The following CGREF1 variants were observed in gnomAD, a reference collection of about 807,000 sequenced individuals.
CGREF1 encodes cell growth regulator with EF-hand domain 1.
CGREF1 carries 16 observed loss-of-function variants against 17.4 expected under a neutral mutation model. The observed-to-expected ratio is 0.92, with a 90% CI of 0.62 to 1.40. The LOEUF is 1.40. Among genes scored for constraint, CGREF1 ranks in the 40% most tolerant of loss-of-function variants. CGREF1 has a pLI of 0.00. For synonymous variants in CGREF1, 142 were observed against 154.6 expected (o/e 0.92, Z 0.61); for missense variants, 296 against 376.4 (o/e 0.79, Z 1.77).
intron 1 of CGREF1, among the ~76,000 whole-genome samples, chr2:27,113,940 G>T (rs1238186944): frequency 2.1e-5 from 3 of 146,278 alleles, no homozygotes; most frequent in Non-Finnish European, 4.5e-5. Context: ...CCTCAGAGCT[G>T]TCAAAACTCA....
At chr2:27,110,501 G>T (rs1476589781) in intron 1 of CGREF1, among the ~76,000 whole-genome samples, 1 of 151,922 alleles carries the variant, frequency 6.6e-6, no homozygotes, top group Non-Finnish European at 1.5e-5. Flanking sequence ...AATAATAGCA[G>T]AAATTAAAAA....
At chr2:27,116,088 C>A (rs998384754) in intron 1 of CGREF1, among the ~76,000 whole-genome samples, 1 of 151,854 alleles carries the variant, frequency 6.6e-6, no homozygotes. Flanking sequence ...AATTAGACAG[C>A]ATGGTGGCTC....
chr2:27,104,315 G>C lies in CGREF1; in HGVS notation c.52C>G (p.Gln18Glu). 6.3e-7 allele frequency: 1 copy of C among 1,580,532 alleles called. No homozygotes were observed. Among genetic ancestry groups the C allele is most frequent in the Non-Finnish European group, 8.6e-7 (1 of 1,162,156 alleles). The change falls in exon 2 of 6, where the codon CAG becomes GAG. Residue 18 changes from glutamine (Q) to glutamate (E), a missense_variant. Gln to Glu is a conservative substitution (Grantham distance 29, BLOSUM62 2). This residue lies in a region of CGREF1 where 247 missense variants were observed against 267.2 expected (regional missense o/e 0.92). Coordinates refer to ENST00000402394, the MANE Select transcript of CGREF1 (RefSeq NM_006569.6). ...VLILLLLPTG[Q>E]AAPKDGVTRP... is the part of the protein sequence containing the mutation. ...GTGACTCCATCCTTTGGGGCAGCCT[G>C]ACCCGTGGGGAGCAGCAGCAGGATT... is the stretch of plus-strand genomic sequence containing the variant.
intron 1 of CGREF1, among the ~76,000 whole-genome samples, chr2:27,111,601 C>A (rs1434471067): frequency 6.6e-6 from 1 of 152,234 alleles, no homozygotes; most frequent in Admixed American, 6.5e-5. Context: ...GTGCAGGAGC[C>A]CACGGCAGTG....
downstream of CGREF1, chr2:27,100,493 T>C: frequency 3.1e-6 from 4 of 1,291,044 alleles, no homozygotes; most frequent in Non-Finnish European, 4.0e-6. Flanking sequence ...AGGTCCGATC[T>C]GGAACACATA....
intron 1 of CGREF1, among the ~76,000 whole-genome samples, chr2:27,106,016 C>T (rs774867164): frequency 6.6e-6 from 1 of 152,152 alleles, no homozygotes; most frequent in Non-Finnish European, 1.5e-5. Flanking sequence ...TTAGTCGTTG[C>T]ACCTGGAAGA....
chr2:27,107,188 G>A (rs1671152989), intron 1 of CGREF1, among the ~76,000 whole-genome samples: 1 of 152,226 alleles, frequency 6.6e-6, no homozygotes, highest in African/African-American at 2.4e-5. Context: ...GCAGGGAAAA[G>A]TAGACTTGGA....
At chr2:27,099,760 C>T (rs774645800), downstream of CGREF1, 16 of 1,613,356 alleles carry the variant, frequency 9.9e-6, no homozygotes, top group South Asian at 1.3e-4. Context: ...AGAGCAGGTG[C>T]CGGCTCCTCA....
intron 1 of CGREF1, among the ~76,000 whole-genome samples, chr2:27,110,169 G>A (rs1212366398): frequency 6.6e-6 from 1 of 151,894 alleles, no homozygotes; most frequent in African/African-American, 2.4e-5. Flanking sequence ...ACCAGCCTGG[G>A]CAACATAGTC....
intron 1 of CGREF1, among the ~76,000 whole-genome samples, chr2:27,108,711 A>G (rs1671232497): frequency 6.6e-6 from 1 of 152,146 alleles, no homozygotes; most frequent in Non-Finnish European, 1.5e-5. Context: ...TGATGCCCAA[A>G]TACAGTAATA....
At chr2:27,113,339 C>T (rs1358251334) in intron 1 of CGREF1, among the ~76,000 whole-genome samples, 1 of 152,036 alleles carries the variant, frequency 6.6e-6, no homozygotes, top group Non-Finnish European at 1.5e-5. Flanking sequence ...GACCAGAGGG[C>T]AAGCATCCGT....
chr2:27,115,082 C>T lies in CGREF1; in HGVS notation c.-12+3764G>A, dbSNP rs548140363. Among the ~76,000 whole-genome samples the T allele has an allele frequency of 2.0e-5, 3 of 152,280 alleles. No individual in the cohort carries two copies. The South Asian group carries it at 6.2e-4, about 32-fold the overall frequency. ...ATTTTGAGGTGGTTTGTTACACTGC[C>T]ATAGTAATTGGAAAACCAACCATGT... On this transcript the variant is annotated intron_variant, in intron 1 of 5. Coordinates refer to ENST00000402394, the MANE Select transcript of CGREF1 (RefSeq NM_006569.6).
intron 1 of CGREF1, among the ~76,000 whole-genome samples, chr2:27,118,532 C>G (rs773027469): frequency 1.3e-5 from 2 of 152,184 alleles, no homozygotes; most frequent in Admixed American, 6.5e-5. Flanking sequence ...GGGGAAAGCT[C>G]CCGCCAGCTG....
At chr2:27,116,871 T>TTCCCTCTCTCTCTCTCTCTCTCTC (rs1416671829) in intron 1 of CGREF1, among the ~76,000 whole-genome samples, 1 of 33,700 alleles carries the variant, frequency 3.0e-5, no homozygotes, top group Non-Finnish European at 5.9e-5. Context: ...GCCAGGCCTA[T>TTCCCTCTCTCTCTCTCTCTCTCTC]TCTCTCTCTC....
intron 1 of CGREF1, among the ~76,000 whole-genome samples, chr2:27,117,443 C>A (rs2148402377): frequency 6.6e-6 from 1 of 152,370 alleles, no homozygotes; most frequent in South Asian, 2.1e-4. Context: ...CTATAATGTG[C>A]ATGAACATAA....
Position 27,100,925 on chromosome 2 carries a change from A to C in CGREF1, c.*349T>G, listed in dbSNP as rs942895196. ...GAGCTTTCCTCACTGGGTCCTCTGC[A>C]GCCGGCCATGGCTAGCACCATGCGC... is the stretch of plus-strand genomic sequence containing the variant. On this transcript the variant is annotated 3_prime_UTR_variant, in exon 6 of 6. Transcript: ENST00000402394. 38 of 1,101,342 alleles carry C rather than the reference A, an allele frequency of 3.5e-5. No homozygotes were observed. Among genetic ancestry groups the C allele is most frequent in the Non-Finnish European group, 4.2e-5 (38 of 903,074 alleles). The allele number at this position is 1,101,342 out of a possible 1,614,324, so 68.2% of individuals were successfully genotyped here. A position where few individuals can be genotyped will look rare whatever the true frequency, so the allele number is the denominator to read the frequency against.
At chr2:27,113,585 TG>T (rs1279681819) in intron 1 of CGREF1, among the ~76,000 whole-genome samples, 1 of 151,968 alleles carries the variant, frequency 6.6e-6, no homozygotes, top group East Asian at 1.9e-4. Flanking sequence ...GGCCCAAAGT[TG>T]GGGGGTATGG....
intron 1 of CGREF1, among the ~76,000 whole-genome samples, chr2:27,106,746 A>G (rs1039646156): frequency 7.2e-5 from 11 of 152,152 alleles, no homozygotes; most frequent in African/African-American, 2.7e-4. Context: ...CCTCCTGAGT[A>G]TCTGGGACTA....
chr2:27,116,565 T>C (rs1179520985), intron 1 of CGREF1, among the ~76,000 whole-genome samples: 1 of 150,006 alleles, frequency 6.7e-6, no homozygotes, highest in Non-Finnish European at 1.5e-5. Context: ...GATGTGGACT[T>C]TCAGTATAAT....
Sources: gnomAD v4.1 joint callset for allele counts (sites outside exome capture counted in the v4.1 genomes callset) on GRCh38, gnomAD v4.1.1 for gene constraint, gnomAD v4.1.1 regional missense constraint, MANE v1.5 for transcripts, NCBI Gene and HGNC (gene_info 2026-07-23, HGNC 2026-07-21) for gene names.